Variants in EPHB2 observed in about 807,000 individuals in gnomAD.
EPHB2 encodes the protein ephrin type-B receptor 2.
In EPHB2, 18 loss-of-function variants were observed where a neutral mutation model predicts 96.4. That is an observed-to-expected ratio of 0.19 (90% CI 0.13 to 0.28). The LOEUF (loss-of-function observed/expected upper bound fraction) is 0.28, where lower values mean the gene tolerates loss of function less well. Ranked by LOEUF, EPHB2 falls within the 10% of genes least tolerant of loss-of-function variation. EPHB2 has a pLI of 1.00. For missense variants in EPHB2, 989 were observed against 1,355.4 expected (o/e 0.73, Z 4.25); for synonymous variants, 506 against 534.1 (o/e 0.95, Z 0.72).
intron 1 of EPHB2, among the ~76,000 whole-genome samples, chr1:22,767,576 A>G (rs1418515164): frequency 6.6e-6 from 1 of 152,186 alleles, no homozygotes. Context: ...GTTGCATGGG[A>G]CAGTGCCTGG....
At chr1:22,757,604 A>G (rs10917293) in intron 1 of EPHB2, among the ~76,000 whole-genome samples, 140,905 of 152,162 alleles carry the variant, frequency 0.93, 66,210 homozygotes, top group East Asian at 1. Flanking sequence ...CCTCATGCCT[A>G]TAATCTCAAC....
intron 3 of EPHB2, among the ~76,000 whole-genome samples, chr1:22,829,525 C>T (rs553332543): frequency 1.3e-5 from 2 of 152,356 alleles, no homozygotes; most frequent in Non-Finnish European, 2.9e-5. Context: ...CTGTCTAGTG[C>T]ACAAATAGCC....
chr1:22,911,207 T>G (rs1410900075), intron 14 of EPHB2, among the ~76,000 whole-genome samples: 1 of 151,320 alleles, frequency 6.6e-6, no homozygotes, highest in African/African-American at 2.4e-5. Context: ...GAATCTTAGT[T>G]CGTGAATAGA....
intron 7 of EPHB2, 45 bp from the exon 8 acceptor site, chr1:22,895,427 C>T (rs1000259167): frequency 8.2e-6 from 13 of 1,590,480 alleles, no homozygotes; most frequent in Middle Eastern, 1.7e-4. Context: ...GGTATTACGA[C>T]TCCCACAGCC....
At chr1:22,872,799 C>T (rs1638715288) in intron 5 of EPHB2, among the ~76,000 whole-genome samples, 1 of 152,194 alleles carries the variant, frequency 6.6e-6, no homozygotes, top group African/African-American at 2.4e-5. Flanking sequence ...ATGGCTCAGC[C>T]TCTGGAACTG....
At chr1:22,859,215 G>A (rs1012120822) in intron 3 of EPHB2, among the ~76,000 whole-genome samples, 2 of 151,294 alleles carry the variant, frequency 1.3e-5, no homozygotes, top group Admixed American at 6.6e-5. Flanking sequence ...AAGGGGTCTA[G>A]GAGTTTGCCT....
chr1:22,850,485 G>C (rs549983260), intron 3 of EPHB2, among the ~76,000 whole-genome samples: 16 of 152,354 alleles, frequency 1.1e-4, no homozygotes, highest in Middle Eastern at 6.8e-3. Flanking sequence ...TGTCAATACA[G>C]CAGCCAGATG....
intron 6 of EPHB2, chr1:22,882,696 C>A: frequency 1.7e-6 from 1 of 593,430 alleles, no homozygotes; most frequent in Non-Finnish European, 2.9e-6. Flanking sequence ...CTCTGGATCT[C>A]ACTTTTCTGG....
intron 3 of EPHB2, among the ~76,000 whole-genome samples, chr1:22,841,966 C>T (rs1186424303): frequency 1.3e-5 from 2 of 152,094 alleles, no homozygotes; most frequent in Non-Finnish European, 2.9e-5. Flanking sequence ...GACAGAGGGC[C>T]GATGCCAGGA....
At chr1:22,813,625 C>T (rs765805586) in intron 3 of EPHB2, among the ~76,000 whole-genome samples, 17 of 152,188 alleles carry the variant, frequency 1.1e-4, no homozygotes, top group Admixed American at 3.9e-4. Context: ...TGGGCATGCC[C>T]GGATTTTCCT....
At chr1:22,774,813 TGAG>T (rs1413169675) in intron 1 of EPHB2, among the ~76,000 whole-genome samples, 4 of 152,172 alleles carry the variant, frequency 2.6e-5, no homozygotes, top group African/African-American at 9.7e-5. Flanking sequence ...TTCTCAGTGT[TGAG>T]GGTACAGCGG....
intron 1 of EPHB2, among the ~76,000 whole-genome samples, chr1:22,768,707 G>A (rs1343602284): frequency 6.6e-6 from 1 of 150,388 alleles, no homozygotes; most frequent in East Asian, 2.0e-4. Context: ...AAAAAAAAAA[G>A]AAGACTCTTT....
intron 5 of EPHB2, among the ~76,000 whole-genome samples, chr1:22,871,136 A>G (rs1338762169): frequency 6.6e-6 from 1 of 152,210 alleles, no homozygotes; most frequent in Non-Finnish European, 1.5e-5. Context: ...TGTTTTATAG[A>G]TGAAAGGAAA....
intron 1 of EPHB2, among the ~76,000 whole-genome samples, chr1:22,770,539 A>G (rs755263748): frequency 3.9e-5 from 6 of 152,084 alleles, no homozygotes; most frequent in Non-Finnish European, 8.8e-5. Context: ...TGTAATTTAC[A>G]CTCCATTCAC....
chr1:22,870,176 G>A (rs767802193), intron 5 of EPHB2, among the ~76,000 whole-genome samples: 32 of 152,156 alleles, frequency 2.1e-4, no homozygotes, highest in Non-Finnish European at 3.7e-4. Flanking sequence ...GCAAGTGACT[G>A]GGCCTTGCTC....
chr1:22,873,224 G>C (rs1009088575), intron 5 of EPHB2, among the ~76,000 whole-genome samples: 2 of 152,230 alleles, frequency 1.3e-5, no homozygotes, highest in Non-Finnish European at 2.9e-5. Flanking sequence ...TCTTAGGTTT[G>C]TAGTTCATCT....
chr1:22,910,112 G>A (rs1640046360), intron 13 of EPHB2, among the ~76,000 whole-genome samples: 1 of 152,144 alleles, frequency 6.6e-6, no homozygotes, highest in Admixed American at 6.5e-5. Flanking sequence ...TCATCTTGGT[G>A]GACCCTGGGG....
rs901102204 is a variant in EPHB2 at position 22,906,998 on chromosome 1, A to G, written c.2136+41A>G. ...AGGGCCAGGGGCCCATGAATGGGGC[A>G]GGAAAAGGAACGATGGACATAGCTT... On this transcript the variant is annotated intron_variant, in intron 11 of 15. Transcript: ENST00000374630. This position sits in a 1 kb window ranked among gnomAD's most constrained non-coding sequence, Gnocchi z 4.8. The G allele has an allele frequency of 7.0e-6, 11 of 1,569,002 alleles. No homozygotes were observed. Among genetic ancestry groups the G allele is most frequent in the Non-Finnish European group, 9.5e-6 (11 of 1,158,106 alleles).
chr1:22,905,548 A>G (rs1197107360), intron 9 of EPHB2, among the ~76,000 whole-genome samples: 2 of 152,118 alleles, frequency 1.3e-5, no homozygotes, highest in Non-Finnish European at 2.9e-5. Context: ...AACACGGTCT[A>G]TTGCCTGCTG....
Sources: gnomAD v4.1 joint callset for allele counts (sites outside exome capture counted in the v4.1 genomes callset) on GRCh38, gnomAD v4.1.1 for gene constraint, Gnocchi (gnomAD v3.1) non-coding constraint, MANE v1.5 for transcripts, NCBI Gene and HGNC (gene_info 2026-07-23, HGNC 2026-07-21) for gene names.